The following CARS2 variants were observed in gnomAD, a reference collection of about 807,000 sequenced individuals.
The protein encoded by CARS2 is probable cysteine--tRNA ligase, mitochondrial.
In CARS2, 52 loss-of-function variants were observed where a neutral mutation model predicts 68.8. The observed-to-expected ratio is 0.76, with a 90% CI of 0.61 to 0.95. CARS2 has a LOEUF of 0.95. Ranked by LOEUF, CARS2 falls within the 40% of genes least tolerant of loss-of-function variation. The pLI is 0.00. For missense variants in CARS2, 780 were observed against 754.2 expected, an observed-to-expected ratio of 1.03 and a Z score of -0.40; for synonymous variants, 314 against 303.6, an observed-to-expected ratio of 1.03 and a Z score of -0.36.
At chr13:110,672,131 C>G (rs979225369) in intron 7 of CARS2, among the ~76,000 whole-genome samples, 3 of 152,160 alleles carry the variant, frequency 2.0e-5, no homozygotes, top group African/African-American at 7.2e-5. Flanking sequence ...CTTTAACACC[C>G]CACTGTCAAC....
intron 10 of CARS2, chr13:110,650,743 C>T (rs974979106): frequency 2.0e-5 from 7 of 351,686 alleles, no homozygotes; most frequent in African/African-American, 4.3e-5. Flanking sequence ...CCAGTTCACA[C>T]AGCAGGAAGC....
intron 3 of CARS2, among the ~76,000 whole-genome samples, chr13:110,694,319 C>A (rs1315983890): frequency 6.7e-6 from 1 of 149,940 alleles, no homozygotes; most frequent in African/African-American, 2.4e-5. Context: ...AGCCACCGTG[C>A]CTGGCTTAAT....
At chr13:110,701,256 G>A (rs2063776824) in intron 3 of CARS2, 182 bp downstream of exon 3, 4 of 497,732 alleles carry the variant, frequency 8.0e-6, no homozygotes, top group South Asian at 5.6e-5. Context: ...TACAGACAAG[G>A]TTTCACCATG....
At chr13:110,709,483 T>A (rs2064009673), upstream of CARS2, among the ~76,000 whole-genome samples, 1 of 152,174 alleles carries the variant, frequency 6.6e-6, no homozygotes, top group South Asian at 2.1e-4. Context: ...ATGTGATCTT[T>A]TTGCATATTG....
intron 10 of CARS2, chr13:110,650,317 C>CG: frequency 6.6e-6 from 1 of 152,188 alleles, no homozygotes; most frequent in East Asian, 1.9e-4. Flanking sequence ...AAACTGGTCT[C>CG]GAACTCCTGA....
At chr13:110,642,256 C>G (rs148358273) in intron 14 of CARS2, 59 bp downstream of exon 14, 2 of 1,348,832 alleles carry the variant, frequency 1.5e-6, no homozygotes, top group Admixed American at 2.0e-5. Context: ...GATGGCCCCA[C>G]GTCCTGTTGA....
At chr13:110,673,563 T>G (rs9521890) in intron 7 of CARS2, among the ~76,000 whole-genome samples, 79,889 of 151,894 alleles carry the variant, frequency 0.53, 22,408 homozygotes, top group Non-Finnish European at 0.64. Context: ...GGGGCGTATC[T>G]CAAAATAATA....
chr13:110,703,607 A>G (rs2063855334), intron 2 of CARS2, among the ~76,000 whole-genome samples: 1 of 152,262 alleles, frequency 6.6e-6, no homozygotes. Flanking sequence ...TCTCTCCCCA[A>G]CAACTTTTAG....
intron 9 of CARS2, among the ~76,000 whole-genome samples, chr13:110,660,411 A>G (rs1375977973): frequency 2.0e-5 from 3 of 152,226 alleles, no homozygotes; most frequent in Non-Finnish European, 4.4e-5. Context: ...AAGGTTTCCA[A>G]TTTACTTTGC....
intron 6 of CARS2, among the ~76,000 whole-genome samples, chr13:110,680,164 G>C (rs1241751441): frequency 1.6e-4 from 9 of 56,980 alleles, no homozygotes; most frequent in East Asian, 1.4e-3. Flanking sequence ...GGGGGGGGGG[G>C]GTGGATCACC....
In CARS2 at chr13:110,653,567, GT is replaced by G. The variant is rs2062280082; in HGVS notation, c.988-2468del. The stretch of plus-strand genomic sequence containing the variant: ...TTTCACCTGGCTTTCTCTCAAAGGG[GT>G]TTTCCTCTCAGAATGTAAACGCATG... On this transcript the variant is annotated intron_variant, in intron 9 of 14. Coordinates refer to ENST00000257347, the MANE Select transcript of CARS2 (RefSeq NM_024537.4). The surrounding 1 kb of genome is among the most constrained non-coding windows in gnomAD (Gnocchi z 5.6). Among the ~76,000 whole-genome samples the G allele has an allele frequency of 6.6e-6, 1 of 152,146 alleles. No individual in the cohort carries two copies. Among genetic ancestry groups the G allele is most frequent in the African/African-American group, 2.4e-5 (1 of 41,398 alleles).
rs76243178 is a variant in CARS2, at chr13:110,667,598, A to G, written c.786-125T>C. 17,144 of 770,168 alleles carry G rather than the reference A, an allele frequency of 0.022. 261 individuals are homozygous for G. Among genetic ancestry groups the G allele is most frequent in the Non-Finnish European group, 0.028 (14,634 of 514,882 alleles). The allele number at this position is 770,168 out of a possible 1,614,324, so 47.7% of individuals were successfully genotyped here. A position where few individuals can be genotyped will look rare whatever the true frequency, so the allele number is the denominator to read the frequency against. Reference sequence around the variant, plus strand: ...ATAAATGGATCTCAGTTTTGCATCAATTTGCATGATAATTTAACTGATTCA... The same window carrying G: ...ATAAATGGATCTCAGTTTTGCATCAGTTTGCATGATAATTTAACTGATTCA... On this transcript the variant is annotated intron_variant, in intron 7 of 14. Transcript: ENST00000257347.
At chr13:110,679,035 A>AAAGGCTAGGACTTG (rs11267539) in intron 6 of CARS2, among the ~76,000 whole-genome samples, 19 of 27,368 alleles carry the variant, frequency 6.9e-4, no homozygotes, top group African/African-American at 2.3e-3. Flanking sequence ...CGTTGTCCTT[A>AAAGGCTAGGACTTG]CCACACATGT....
At chr13:110,677,191 A>C in intron 6 of CARS2, 88 bp from the exon 7 acceptor site, 1 of 1,381,990 alleles carries the variant, frequency 7.2e-7, no homozygotes, top group Non-Finnish European at 9.6e-7. Flanking sequence ...ACAGAAACCC[A>C]GACAGTCACC....
exon 1 of CARS2, chr13:110,713,218 T>C (rs1480326947): frequency 1.4e-5 from 20 of 1,417,618 alleles, no homozygotes; most frequent in Non-Finnish European, 1.7e-5. Context: ...TTGCCAGTTC[T>C]GTTTCGGGCC....
In CARS2 at chr13:110,712,943, A is replaced by C. The variant is rs1164116853; in HGVS notation, n.399+194T>G. On this transcript the variant is annotated intron_variant and non_coding_transcript_variant, in intron 1 of 2. Coordinates refer to the CARS2 transcript ENST00000485188. ...GATGGCGCAGGCGCGGGAGCCGCCT[A>C]GGCTGCTGGGAGTGGTGGTCCGGCC... 4 of 1,559,218 alleles carry C rather than the reference A, an allele frequency of 2.6e-6. No homozygotes were observed. The African/African-American group carries it at 5.5e-5, about 21-fold the overall frequency.
At chr13:110,710,373 A>G (rs892994681), upstream of CARS2, among the ~76,000 whole-genome samples, 1 of 151,870 alleles carries the variant, frequency 6.6e-6, no homozygotes, top group African/African-American at 2.4e-5. Flanking sequence ...CAAGAGCAAG[A>G]CTCCGTCTCA....
rs1179722900 is a variant in CARS2, at chr13:110,677,557, C to T, written c.656-454G>A. On this transcript the variant is annotated intron_variant, in intron 6 of 14. Coordinates refer to ENST00000257347, the MANE Select transcript of CARS2 (RefSeq NM_024537.4). ...AGAAACTCAGACAGCCACCCCGCCACGGAAACCCAGACAGTCACCCCCACC... is the reference window on the plus strand; with the variant it reads ...AGAAACTCAGACAGCCACCCCGCCATGGAAACCCAGACAGTCACCCCCACC... Among the ~76,000 whole-genome samples the T allele has an allele frequency of 7.5e-5, 7 of 93,224 alleles. No individual in the cohort carries two copies. In the South Asian group the frequency reaches 1.3e-3, roughly 18 times the overall value. The allele number at this position is 93,224 out of a possible 152,430, so 61.2% of individuals were successfully genotyped here. A position where few individuals can be genotyped will look rare whatever the true frequency, so the allele number is the denominator to read the frequency against.
chr13:110,699,444 T>G (rs1383830915), intron 3 of CARS2, among the ~76,000 whole-genome samples: 2 of 152,248 alleles, frequency 1.3e-5, no homozygotes, highest in Non-Finnish European at 2.9e-5. Flanking sequence ...ATTTCCACTG[T>G]AACACATGCT....
Sources: gnomAD v4.1 joint callset for allele counts (sites outside exome capture counted in the v4.1 genomes callset) on GRCh38, gnomAD v4.1.1 for gene constraint, Gnocchi (gnomAD v3.1) non-coding constraint, MANE v1.5 for transcripts, NCBI Gene and HGNC (gene_info 2026-07-23, HGNC 2026-07-21) for gene names.